ANKS1B: variants seen among roughly 807,000 people sequenced by gnomAD.
ANKS1B encodes the protein ankyrin repeat and sterile alpha motif domain containing 1B, also known as ankyrin repeat and sterile alpha motif domain-containing protein 1B.
ANKS1B carries 36 observed loss-of-function variants against 148.3 expected under a neutral mutation model. The ratio of observed to expected loss-of-function variants is 0.24; its 90% confidence interval spans 0.19 to 0.32. The LOEUF is 0.32. Ranked by LOEUF, ANKS1B falls within the 10% of genes least tolerant of loss-of-function variation. The pLI is 1.00. For synonymous variants in ANKS1B, 542 were observed against 560.8 expected, an observed-to-expected ratio of 0.97 and a Z score of 0.47; for missense variants, 1,157 against 1,542.6, an observed-to-expected ratio of 0.75 and a Z score of 4.19.
chr12:99,948,417 C>T (rs1392970469), intron 1 of ANKS1B, among the ~76,000 whole-genome samples: 1 of 151,538 alleles, frequency 6.6e-6, no homozygotes, highest in East Asian at 1.9e-4. Context: ...GCAAAAGACA[C>T]CTTTTATGCC....
At chr12:99,687,235 C>A (rs932127853) in intron 8 of ANKS1B, among the ~76,000 whole-genome samples, 3 of 152,054 alleles carry the variant, frequency 2.0e-5, no homozygotes, top group African/African-American at 7.2e-5. Flanking sequence ...AAGTAATATA[C>A]CTTTTTTCTC....
At chr12:99,052,714 G>A (rs189376941) in intron 17 of ANKS1B, among the ~76,000 whole-genome samples, 1,177 of 104,956 alleles carry the variant, frequency 0.011, 38 homozygotes, top group Admixed American at 0.078. Context: ...CGACCTGGGC[G>A]ACAGAGCGAG....
intron 10 of ANKS1B, among the ~76,000 whole-genome samples, chr12:99,492,257 G>A (rs118116584): frequency 6.6e-6 from 1 of 152,236 alleles, no homozygotes; most frequent in Non-Finnish European, 1.5e-5. Context: ...ATAACCATGA[G>A]AGGCAACTAT....
intron 17 of ANKS1B, among the ~76,000 whole-genome samples, chr12:98,908,231 T>G (rs1350231076): frequency 6.6e-6 from 1 of 152,174 alleles, no homozygotes; most frequent in Non-Finnish European, 1.5e-5. Context: ...CACAGTTTCA[T>G]TTTATACCAG....
At chr12:99,644,508 C>T (rs951438547) in intron 9 of ANKS1B, among the ~76,000 whole-genome samples, 3 of 152,126 alleles carry the variant, frequency 2.0e-5, no homozygotes, top group South Asian at 2.1e-4. Flanking sequence ...CCCTTATTAG[C>T]GGCATCTTTA....
chr12:99,629,314 T>C (rs1376599036), intron 9 of ANKS1B, among the ~76,000 whole-genome samples: 1 of 152,182 alleles, frequency 6.6e-6, no homozygotes, highest in East Asian at 1.9e-4. Flanking sequence ...AGTTAAAAGT[T>C]AATTCATACT....
chr12:99,803,945 C>T (rs2067276537), intron 4 of ANKS1B, among the ~76,000 whole-genome samples: 1 of 152,160 alleles, frequency 6.6e-6, no homozygotes, highest in Non-Finnish European at 1.5e-5. Flanking sequence ...TTTGTCTCCT[C>T]CACTAAGCGT....
chr12:99,979,173 A>G (rs574831533), intron 1 of ANKS1B, among the ~76,000 whole-genome samples: 1 of 152,210 alleles, frequency 6.6e-6, no homozygotes, highest in South Asian at 2.1e-4. Flanking sequence ...AGGCAACTCA[A>G]TTTTAGTGCT....
At chr12:99,049,616 T>C (rs754011738) in intron 17 of ANKS1B, among the ~76,000 whole-genome samples, 14 of 151,920 alleles carry the variant, frequency 9.2e-5, no homozygotes, top group Non-Finnish European at 1.5e-4. Context: ...ATCAACAACA[T>C]TGAAAGAAAA....
intron 17 of ANKS1B, among the ~76,000 whole-genome samples, chr12:98,965,911 A>C (rs1390727378): frequency 3.3e-5 from 5 of 152,252 alleles, no homozygotes; most frequent in African/African-American, 1.2e-4. Flanking sequence ...GATGGATTAA[A>C]GACTTAAATG....
At chr12:99,533,181 T>C (rs2097020480) in intron 9 of ANKS1B, among the ~76,000 whole-genome samples, 2 of 152,326 alleles carry the variant, frequency 1.3e-5, no homozygotes, top group South Asian at 2.1e-4. Flanking sequence ...TTTCCATTTG[T>C]TTGTGTCATC....
intron 1 of ANKS1B, among the ~76,000 whole-genome samples, chr12:99,829,399 T>C (rs781526035): frequency 1.1e-4 from 16 of 151,886 alleles, no homozygotes; most frequent in Admixed American, 3.9e-4. Context: ...ACCTGTAATC[T>C]CAGCACTTTG....
chr12:99,023,324 C>G (rs1021916561), intron 17 of ANKS1B, among the ~76,000 whole-genome samples: 2 of 152,134 alleles, frequency 1.3e-5, no homozygotes, highest in Admixed American at 6.6e-5. Context: ...AGTTCTTCAG[C>G]TAATAGCAAA....
chr12:99,392,668 C>T (rs954516560), intron 12 of ANKS1B, among the ~76,000 whole-genome samples: 2 of 152,200 alleles, frequency 1.3e-5, no homozygotes, highest in African/African-American at 4.8e-5. Flanking sequence ...CACCTGTTAT[C>T]ACTGGCGATG....
At chr12:99,034,032 G>T (rs1056029993) in intron 17 of ANKS1B, among the ~76,000 whole-genome samples, 4 of 152,334 alleles carry the variant, frequency 2.6e-5, no homozygotes, top group Admixed American at 1.3e-4. Flanking sequence ...GTGCGAAAGG[G>T]AATGACACTG....
intron 17 of ANKS1B, among the ~76,000 whole-genome samples, chr12:98,974,865 C>T (rs1314595231): frequency 2.0e-5 from 3 of 150,414 alleles, no homozygotes; most frequent in African/African-American, 7.3e-5. Context: ...CCCTCTTTTC[C>T]TTCCTTCCCT....
chr12:99,238,045 G>T (rs920513615), intron 14 of ANKS1B, among the ~76,000 whole-genome samples: 1 of 152,230 alleles, frequency 6.6e-6, no homozygotes, highest in South Asian at 2.1e-4. Flanking sequence ...ATTGAGACTG[G>T]TTGGACAGTG....
At chr12:99,701,704 A>C (rs539759272) in intron 8 of ANKS1B, among the ~76,000 whole-genome samples, 1 of 151,966 alleles carries the variant, frequency 6.6e-6, no homozygotes, top group Non-Finnish European at 1.5e-5. Context: ...ACCCTTTCCC[A>C]GCCTCTGGTC....
chr12:99,852,678 T>A (rs1002971050), intron 1 of ANKS1B, among the ~76,000 whole-genome samples: 2 of 152,152 alleles, frequency 1.3e-5, no homozygotes, highest in Non-Finnish European at 2.9e-5. Flanking sequence ...CTCCAAGAAC[T>A]ACCATAGGAA....
Sources: gnomAD v4.1 joint callset for allele counts (sites outside exome capture counted in the v4.1 genomes callset) on GRCh38, gnomAD v4.1.1 for gene constraint, MANE v1.5 for transcripts, NCBI Gene and HGNC (gene_info 2026-07-23, HGNC 2026-07-21) for gene names.